SPON1: variants seen among roughly 807,000 people sequenced by gnomAD.
SPON1 encodes spondin-1.
A neutral mutation model predicts 111.7 loss-of-function variants in SPON1; 52 were observed. The observed-to-expected ratio is 0.47, with a 90% CI of 0.37 to 0.59. The LOEUF (loss-of-function observed/expected upper bound fraction) is 0.59. Among genes scored for constraint, SPON1 ranks in the 20% least tolerant of loss-of-function variants. The probability of loss-of-function intolerance (pLI) is 0.00; values close to 1 mark genes in which losing one functional copy is unlikely to be tolerated. For synonymous variants in SPON1, 410 were observed against 395.8 expected, an observed-to-expected ratio of 1.04 and a Z score of -0.43; for missense variants, 957 against 1,068.5, an observed-to-expected ratio of 0.90 and a Z score of 1.46.
At chr11:13,974,191 C>T (rs1241053068) in intron 1 of SPON1, among the ~76,000 whole-genome samples, 1 of 152,202 alleles carries the variant, frequency 6.6e-6, no homozygotes, top group African/African-American at 2.4e-5. Flanking sequence ...AAGGGGAGCA[C>T]TGTGACTAAC....
intron 6 of SPON1, among the ~76,000 whole-genome samples, chr11:14,208,058 A>C (rs1360834917): frequency 6.6e-6 from 1 of 152,208 alleles, no homozygotes; most frequent in Non-Finnish European, 1.5e-5. Flanking sequence ...TTGCAGGGAC[A>C]TGGATGGAGC....
intron 6 of SPON1, among the ~76,000 whole-genome samples, chr11:14,226,594 A>G (rs78418744): frequency 0.04 from 6,078 of 152,298 alleles, 418 homozygotes; most frequent in African/African-American, 0.14. Context: ...ACATCATCAT[A>G]AAGTCAAAAA....
chr11:14,018,226 A>T (rs1442197023), intron 2 of SPON1, among the ~76,000 whole-genome samples: 1 of 152,144 alleles, frequency 6.6e-6, no homozygotes, highest in Non-Finnish European at 1.5e-5. Flanking sequence ...AAATTTGACC[A>T]CCTTTCAGAC....
chr11:14,169,960 G>T (rs1848077742), intron 6 of SPON1, among the ~76,000 whole-genome samples: 1 of 152,204 alleles, frequency 6.6e-6, no homozygotes. Context: ...TTTGGCTTAG[G>T]ATTGACTTGG....
intron 2 of SPON1, among the ~76,000 whole-genome samples, chr11:14,024,298 G>C (rs1488578985): frequency 6.6e-6 from 1 of 152,198 alleles, no homozygotes; most frequent in African/African-American, 2.4e-5. Flanking sequence ...TAGACCCTCT[G>C]CCTTATCGCA....
Position 14,202,621 on chromosome 11 carries a change from G to A in SPON1, c.826-40711G>A, listed in dbSNP as rs116108098. On this transcript the variant is annotated intron_variant, in intron 6 of 15. Transcript: ENST00000576479. ...CCCTTCCCCCTCAGCTAACCTGTTC[G>A]TCCCTTTGAGCCAAACTCACTGATT... is the stretch of plus-strand genomic sequence containing the variant. Among the ~76,000 whole-genome samples the A allele has an allele frequency of 5.3e-3, 811 of 152,218 alleles. 5 individuals carry two copies. The highest frequency in any genetic ancestry group is 0.018 in the African/African-American group (758 of 41,522).
intron 1 of SPON1, 89 bp from the exon 2 acceptor site, chr11:13,982,758 T>G (rs1848153870): frequency 6.9e-6 from 6 of 865,252 alleles, no homozygotes; most frequent in Non-Finnish European, 1.1e-5. Flanking sequence ...AGGTCTGGGA[T>G]ATCGATGGAG....
chr11:14,133,515 C>T (rs187857383), intron 5 of SPON1, among the ~76,000 whole-genome samples: 46 of 152,268 alleles, frequency 3.0e-4, no homozygotes, highest in African/African-American at 1.1e-3. Flanking sequence ...GAGGAGAGTA[C>T]AGAGCAAAGA....
chr11:14,032,734 A>C (rs1848568176), intron 2 of SPON1, among the ~76,000 whole-genome samples: 1 of 152,040 alleles, frequency 6.6e-6, no homozygotes, highest in African/African-American at 2.4e-5. Flanking sequence ...TCTACTTTTT[A>C]CTCTATCACA....
At chr11:14,256,922 C>T (rs1377474922) in intron 10 of SPON1, among the ~76,000 whole-genome samples, 1 of 152,158 alleles carries the variant, frequency 6.6e-6, no homozygotes, top group East Asian at 1.9e-4. Context: ...AACATCAGGC[C>T]TTTAAAACAA....
intron 9 of SPON1, among the ~76,000 whole-genome samples, 192 bp from the exon 10 acceptor site, chr11:14,256,425 C>A (rs1849109078): frequency 6.6e-6 from 1 of 152,238 alleles, no homozygotes; most frequent in South Asian, 2.1e-4. Flanking sequence ...ATGTATTTAT[C>A]ATCCCTGGTT....
Position 14,135,301 on chromosome 11 carries a change from T to C in SPON1, c.677-119T>C. 1.8e-6 allele frequency: 2 copies of C among 1,142,600 alleles called. No individual in the cohort carries two copies. Among genetic ancestry groups the C allele is most frequent in the Non-Finnish European group, 2.5e-6 (2 of 798,734 alleles). The allele number at this position is 1,142,600 out of a possible 1,614,324, so 70.8% of individuals were successfully genotyped here. ...GAATGGCACAGGGCCTAAGACAGAA[T>C]AGGTGCTTAGTCAGTGCTCTTTGAA... On this transcript the variant is annotated intron_variant, in intron 5 of 15. Transcript: ENST00000576479. The surrounding 1 kb of genome is among the most constrained non-coding windows in gnomAD (Gnocchi z 4.4).
At chr11:14,140,253 T>C (rs1847638214) in intron 6 of SPON1, among the ~76,000 whole-genome samples, 2 of 152,228 alleles carry the variant, frequency 1.3e-5, no homozygotes, top group Non-Finnish European at 2.9e-5. Flanking sequence ...TCTTCAATAA[T>C]TTTAAATATG....
At chr11:14,159,717 A>T (rs111611119) in intron 6 of SPON1, among the ~76,000 whole-genome samples, 17 of 152,244 alleles carry the variant, frequency 1.1e-4, no homozygotes, top group African/African-American at 4.1e-4. Flanking sequence ...GAAGAATGAG[A>T]TCCAGTCATC....
chr11:14,082,200 G>T (rs1358039702), intron 5 of SPON1, among the ~76,000 whole-genome samples: 2 of 150,510 alleles, frequency 1.3e-5, no homozygotes, highest in Non-Finnish European at 3.0e-5. Context: ...AAAAAAAATT[G>T]TTTCTGGGTC....
At position 14,063,239 on chromosome 11, in the gene SPON1, G is replaced by A. The variant is rs144591081; in HGVS notation, c.480-12106G>A. 4.6e-5 allele frequency among the ~76,000 whole-genome samples: 7 copies of A among 152,170 alleles called. No homozygotes were observed. In the South Asian group the frequency reaches 6.2e-4, roughly 14 times the overall value. On this transcript the variant is annotated intron_variant, in intron 3 of 15. Coordinates refer to ENST00000576479, the MANE Select transcript of SPON1 (RefSeq NM_006108.4). ...TTGCAGTACCTTGTTTCACACAGAC[G>A]CTCCAGAATGATTCCCAAGTCTCCC...
intron 5 of SPON1, among the ~76,000 whole-genome samples, chr11:14,094,827 T>G (rs782206118): frequency 6.6e-6 from 1 of 152,184 alleles, no homozygotes; most frequent in African/African-American, 2.4e-5. Context: ...GACAGCAGCT[T>G]GGATGGGGCC....
At chr11:14,000,637 G>A (rs11023047) in intron 2 of SPON1, among the ~76,000 whole-genome samples, 33,065 of 151,522 alleles carry the variant, frequency 0.22, 4,308 homozygotes, top group South Asian at 0.32. Flanking sequence ...AAGGATTCTG[G>A]CCCCCACCCT....
intron 7 of SPON1, among the ~76,000 whole-genome samples, chr11:14,253,877 A>G (rs2133923585): frequency 6.6e-6 from 1 of 152,026 alleles, no homozygotes; most frequent in Admixed American, 6.5e-5. Flanking sequence ...TGCGAATGTG[A>G]CTCTTTCCTT....
Sources: allele counts gnomAD v4.1 joint callset (sites outside exome capture counted in the v4.1 genomes callset), GRCh38; gene constraint gnomAD v4.1.1; non-coding constraint Gnocchi (gnomAD v3.1); transcripts MANE v1.5; gene names NCBI Gene and HGNC (gene_info 2026-07-23, HGNC 2026-07-21).